The following APTX variants were observed in gnomAD, a reference collection of about 807,000 sequenced individuals.
The protein encoded by APTX is forkhead-associated domain histidine triad-like protein.
Under a neutral mutation model 42.3 loss-of-function variants are expected in APTX, and 33 were observed. The observed-to-expected ratio is 0.78, with a 90% CI of 0.59 to 1.04. APTX has a LOEUF of 1.04. Ranked by LOEUF, APTX falls within the 50% of genes least tolerant of loss-of-function variation. The pLI, the probability that APTX is intolerant of heterozygous loss-of-function variation, is 0.00. For synonymous variants in APTX, 130 were observed against 146.7 expected, an observed-to-expected ratio of 0.89 and a Z score of 0.82; for missense variants, 421 against 415.1, an observed-to-expected ratio of 1.01 and a Z score of -0.12.
chr9:33,010,971 A>G (rs1461163999), intron 1 of APTX, among the ~76,000 whole-genome samples: 1 of 151,860 alleles, frequency 6.6e-6, no homozygotes, highest in Admixed American at 6.6e-5. Flanking sequence ...GTGAAACCCC[A>G]TCTTTACTAA....
chr9:33,021,947 A>C (rs78093252), intron 1 of APTX, among the ~76,000 whole-genome samples: 10,503 of 150,794 alleles, frequency 0.07, 506 homozygotes, highest in Non-Finnish European at 0.11. Flanking sequence ...GCAACACATC[A>C]AGGCTGTTAA....
intron 1 of APTX, among the ~76,000 whole-genome samples, chr9:33,024,228 G>A (rs543805036): frequency 1.3e-4 from 20 of 152,290 alleles, no homozygotes; most frequent in South Asian, 6.2e-4. Flanking sequence ...GCTTGGGCTG[G>A]TATCAAACTT....
intron 2 of APTX, 117 bp downstream of exon 2, chr9:32,989,642 G>T: frequency 6.7e-7 from 1 of 1,495,476 alleles, no homozygotes; most frequent in Non-Finnish European, 9.3e-7. Context: ...CTCAGTTCCT[G>T]AGCTGTATTT....
intron 1 of APTX, among the ~76,000 whole-genome samples, chr9:33,017,148 A>G (rs1004707353): frequency 1.3e-5 from 2 of 152,192 alleles, no homozygotes; most frequent in African/African-American, 4.8e-5. Context: ...CAGTGTGGAC[A>G]CTAATTATCC....
rs750349898 is a variant in APTX, at chr9:32,987,601, G to C, written c.426C>G (p.Ser142Arg). The C allele has an allele frequency of 9.9e-6, 16 of 1,613,984 alleles. No individual in the cohort carries two copies. Among genetic ancestry groups the C allele is most frequent in the Non-Finnish European group, 1.4e-5 (16 of 1,180,044 alleles). The change falls in exon 4 of 8, where the codon AGC (serine) becomes AGG (arginine). Residue 142 changes from serine (S) to arginine (R), a missense_variant. By Grantham distance (110) the Ser-to-Arg change is moderately radical (BLOSUM62 -1). Transcript: ENST00000379817. ...GGGGCACAGAGCATTGGCCAGAGTT[G>C]CTCCCAGGTTCCAGCCCTGTCCCAG... ...AEAGTGLEPG[S>R]NSGQCSVPLK...
chr9:33,003,399 G>A (rs954315022), upstream of APTX, among the ~76,000 whole-genome samples: 1 of 151,910 alleles, frequency 6.6e-6, no homozygotes, highest in African/African-American at 2.4e-5. Flanking sequence ...ACTGAAACTC[G>A]GCCAGGCACG....
intron 1 of APTX, among the ~76,000 whole-genome samples, chr9:33,011,507 G>A (rs1012817430): frequency 8.6e-5 from 13 of 151,966 alleles, no homozygotes; most frequent in African/African-American, 2.9e-4. Flanking sequence ...GGCTGGTCTC[G>A]AACTCCTGAC....
chr9:33,023,937 AAAC>A (rs139578252), intron 1 of APTX, among the ~76,000 whole-genome samples: 10,721 of 152,284 alleles, frequency 0.07, 509 homozygotes, highest in Non-Finnish European at 0.11. Context: ...AATTTCCTAA[AAAC>A]ATCATATTCT....
rs2118684383 is a variant in APTX at position 32,984,766 on chromosome 9, C to T, written c.635G>A (p.Ser212Asn). 1 of 1,614,184 alleles carries T rather than the reference C, an allele frequency of 6.2e-7. No individual in the cohort carries two copies. The highest frequency in any genetic ancestry group is 8.5e-7 in the Non-Finnish European group (1 of 1,180,042). Reference protein sequence around the residue: ...WLVLPWTSISSLKAVAREHLE... With the variant: ...WLVLPWTSISNLKAVAREHLE... ...GTGTTCCCTGGCCACAGCCTTCAGACTGGAAATGGAGGTCCACGGTAAGAC... is the reference window on the plus strand; with the variant it reads ...GTGTTCCCTGGCCACAGCCTTCAGATTGGAAATGGAGGTCCACGGTAAGAC... The change falls in exon 6 of 8, where the codon AGT (serine) becomes AAT (asparagine). Residue 212 changes from serine (S) to asparagine (N), a missense_variant. Ser to Asn is a conservative substitution (Grantham distance 46). Transcript: ENST00000379817.
chr9:32,979,537 T>C (rs1830230584), intron 6 of APTX: 1 of 154,242 alleles, frequency 6.5e-6, no homozygotes, highest in Admixed American at 6.5e-5. Context: ...GTCCAGATAT[T>C]TTGGTAGTTA....
intron 1 of APTX, among the ~76,000 whole-genome samples, chr9:33,000,344 C>T (rs562570827): frequency 6.6e-6 from 1 of 152,122 alleles, no homozygotes; most frequent in South Asian, 2.1e-4. Flanking sequence ...GCAATAACTG[C>T]GGCTGGGCAC....
intron 1 of APTX, chr9:33,001,209 G>T: frequency 9.5e-7 from 1 of 1,049,142 alleles, no homozygotes; most frequent in Non-Finnish European, 1.3e-6. Flanking sequence ...GGTCCCTCAA[G>T]TGCCTTTCAC....
chr9:33,019,152 G>C (rs572071314), intron 1 of APTX, among the ~76,000 whole-genome samples: 1 of 152,042 alleles, frequency 6.6e-6, no homozygotes, highest in Admixed American at 6.5e-5. Context: ...GACTGAGTGC[G>C]GAATAACAGG....
chr9:33,014,025 G>C (rs1016740657), intron 1 of APTX, among the ~76,000 whole-genome samples: 1 of 152,162 alleles, frequency 6.6e-6, no homozygotes, highest in African/African-American at 2.4e-5. Flanking sequence ...AGTGTAAAGA[G>C]ACCCTAGTCA....
rs138468082 is a variant in APTX, at chr9:33,018,695, T to C, written c.-5+6328A>G. Among the ~76,000 whole-genome samples, 102 of 149,230 alleles carry C rather than the reference T, an allele frequency of 6.8e-4. 2 individuals are homozygous for C. In the East Asian group the frequency reaches 0.018, roughly 26 times the overall value. ...GAGTTCAAGACCAGCCTGGCCAACA[T>C]AGTGAAACCCCATCTCTACTAAAAA... is the stretch of plus-strand genomic sequence containing the variant. On this transcript the variant is annotated intron_variant, in intron 1 of 6. Coordinates refer to the APTX transcript ENST00000436040.
At chr9:32,996,134 A>C (rs1834863502) in intron 1 of APTX, among the ~76,000 whole-genome samples, 1 of 152,118 alleles carries the variant, frequency 6.6e-6, no homozygotes, top group South Asian at 2.1e-4. Flanking sequence ...TATAAACATA[A>C]CTTTTATATG....
At position 32,989,546 on chromosome 9, in the gene APTX, C is replaced by T. The variant is rs1468857119; in HGVS notation, c.133+213G>A. On this transcript the variant is annotated intron_variant, in intron 2 of 7. Coordinates refer to ENST00000379817, the MANE Select transcript of APTX (RefSeq NM_001195248.2). ...GTAACAGTATGAACTTGACTGCTCC[C>T]AACCTTCACCCACCCTGCCTTGAAC... 1.2e-5 allele frequency: 9 copies of T among 740,766 alleles called. No homozygotes were observed. The East Asian group carries it at 2.0e-4, about 16-fold the overall frequency. 45.9% of individuals were successfully genotyped at this position (740,766 alleles called of 1,614,324 possible).
At chr9:32,981,709 AAAT>A (rs1217209757) in intron 6 of APTX, among the ~76,000 whole-genome samples, 8 of 152,236 alleles carry the variant, frequency 5.3e-5, no homozygotes, top group African/African-American at 1.9e-4. Context: ...TTGAGCAACA[AAAT>A]AATTATAGTA....
At chr9:32,996,275 G>A (rs1178600809) in intron 1 of APTX, among the ~76,000 whole-genome samples, 1 of 84,204 alleles carries the variant, frequency 1.2e-5, no homozygotes, top group African/African-American at 4.1e-5. Context: ...CAAATAAATC[G>A]CTCTTTTTTT....
Sources: gnomAD v4.1 joint callset for allele counts (sites outside exome capture counted in the v4.1 genomes callset) on GRCh38, gnomAD v4.1.1 for gene constraint, MANE v1.5 for transcripts, NCBI Gene and HGNC (gene_info 2026-07-23, HGNC 2026-07-21) for gene names.